Variants in PADI4 observed in about 807,000 individuals in gnomAD.
PADI4 encodes the protein peptidyl arginine deiminase 4, also known as protein-arginine deiminase type-4.
A neutral mutation model predicts 75.0 loss-of-function variants in PADI4; 62 were observed. That is an observed-to-expected ratio of 0.83 (90% confidence interval 0.67 to 1.02). The LOEUF is 1.02. Ranked by LOEUF, PADI4 falls within the 50% of genes least tolerant of loss-of-function variation. The probability of loss-of-function intolerance (pLI) is 0.00; values close to 1 mark genes in which losing one functional copy is unlikely to be tolerated. For missense variants in PADI4, 845 were observed against 850.5 expected, an observed-to-expected ratio of 0.99 and a Z score of 0.08; for synonymous variants, 361 against 348.1, an observed-to-expected ratio of 1.04 and a Z score of -0.41.
intron 15 of PADI4, among the ~76,000 whole-genome samples, chr1:17,360,884 T>G (rs527472182): frequency 6.7e-6 from 1 of 149,068 alleles, no homozygotes; most frequent in South Asian, 2.1e-4. Context: ...GCTGCACTTG[T>G]GGGTGGTCCC....
At chr1:17,324,843 A>G (rs959801301) in intron 1 of PADI4, among the ~76,000 whole-genome samples, 5 of 152,170 alleles carry the variant, frequency 3.3e-5, no homozygotes, top group African/African-American at 9.7e-5. Context: ...CCAATTTAGT[A>G]TTTTCTATAT....
intron 1 of PADI4, among the ~76,000 whole-genome samples, chr1:17,308,923 T>C (rs1320776616): frequency 6.6e-6 from 1 of 152,134 alleles, no homozygotes; most frequent in South Asian, 2.1e-4. Context: ...TGTGAAAAAA[T>C]GTGCAGATGT....
intron 1 of PADI4, among the ~76,000 whole-genome samples, chr1:17,318,884 T>G (rs909739041): frequency 1.4e-4 from 22 of 152,174 alleles, no homozygotes; most frequent in African/African-American, 5.1e-4. Context: ...GAGATGGGGT[T>G]TCACCATGTT....
intron 10 of PADI4, among the ~76,000 whole-genome samples, chr1:17,351,782 C>G (rs1025350767): frequency 3.9e-5 from 6 of 151,992 alleles, no homozygotes; most frequent in African/African-American, 1.5e-4. Context: ...TGCAAAGGCC[C>G]TGGGGCAGGA....
chr1:17,321,491 C>T (rs115457674), intron 1 of PADI4, among the ~76,000 whole-genome samples: 4,798 of 152,262 alleles, frequency 0.032, 97 homozygotes, highest in African/African-American at 0.052. Context: ...TGGTGAGAAC[C>T]GAATTAATTA....
intron 13 of PADI4, 76 bp from the exon 14 acceptor site, chr1:17,358,762 C>A (rs989158377): frequency 4.4e-6 from 4 of 903,554 alleles, no homozygotes; most frequent in Non-Finnish European, 7.2e-6. Context: ...CACTGAGTCC[C>A]CCCCCGGCAC....
chr1:17,345,977 C>A (rs2074507993), intron 8 of PADI4, 51 bp from the exon 9 acceptor site: 2 of 1,237,144 alleles, frequency 1.6e-6, no homozygotes, highest in East Asian at 4.6e-5. Flanking sequence ...TCCTTCCAGG[C>A]TGAGCTTCAA....
intron 1 of PADI4, among the ~76,000 whole-genome samples, chr1:17,326,965 C>T (rs1389947804): frequency 1.4e-5 from 2 of 145,096 alleles, no homozygotes; most frequent in Non-Finnish European, 3.0e-5. Context: ...GGCTGGGGTA[C>T]AGTGGTGCAA....
chr1:17,355,379 C>T (rs1288234500), intron 11 of PADI4, among the ~76,000 whole-genome samples: 1 of 152,108 alleles, frequency 6.6e-6, no homozygotes, highest in Non-Finnish European at 1.5e-5. Context: ...TGGCGAAACC[C>T]CGTCTCTACT....
rs540871435 is a variant in PADI4 at position 17,360,653 on chromosome 1, G to A, written c.1758+1245G>A. Reference sequence around the variant, plus strand: ...TCAAACCCCATGCCGTAACTACCATGCTGCCTTCCCACGTAGCACCTTCCC... The same window carrying A: ...TCAAACCCCATGCCGTAACTACCATACTGCCTTCCCACGTAGCACCTTCCC... On this transcript the variant is annotated intron_variant, in intron 15 of 15. Coordinates refer to ENST00000375448, the MANE Select transcript of PADI4 (RefSeq NM_012387.3). 2.0e-5 allele frequency among the ~76,000 whole-genome samples: 3 copies of A among 152,296 alleles called. No individual in the cohort carries two copies. The East Asian group carries it at 5.8e-4, about 29-fold the overall frequency.
At chr1:17,339,440 T>C (rs2074374915) in intron 5 of PADI4, among the ~76,000 whole-genome samples, 1 of 152,238 alleles carries the variant, frequency 6.6e-6, no homozygotes, top group Non-Finnish European at 1.5e-5. Flanking sequence ...GTCCCCGCTT[T>C]GCTGAGGTTA....
chr1:17,352,209 TAAG>T (rs2074672422), intron 10 of PADI4, among the ~76,000 whole-genome samples: 1 of 103,914 alleles, frequency 9.6e-6, no homozygotes, highest in African/African-American at 3.6e-5. Flanking sequence ...TGGGAGGTGG[TAAG>T]AGGGGTGGTC....
At chr1:17,317,742 C>T (rs751046982) in intron 1 of PADI4, among the ~76,000 whole-genome samples, 6 of 151,724 alleles carry the variant, frequency 4.0e-5, no homozygotes, top group Non-Finnish European at 7.4e-5. Flanking sequence ...AGATTGCTGC[C>T]GGGCACTGTG....
intron 10 of PADI4, among the ~76,000 whole-genome samples, chr1:17,354,048 T>A (rs2074715844): frequency 6.6e-6 from 1 of 150,564 alleles, no homozygotes; most frequent in Admixed American, 6.6e-5. Flanking sequence ...GAGACTAGAC[T>A]GGCCAACATG....
In PADI4 at chr1:17,355,056, G is replaced by T. The variant is rs138314386; in HGVS notation, c.1310+369G>T. Among the ~76,000 whole-genome samples, 61 of 152,286 alleles carry T rather than the reference G, an allele frequency of 4.0e-4. 1 individual carries two copies. The highest frequency in any genetic ancestry group is 1.4e-3 in the African/African-American group (57 of 41,560). On this transcript the variant is annotated intron_variant, in intron 11 of 15. Transcript: ENST00000375448. ...CAAATGACAAAAACAAAAGAGAGGG[G>T]CACGGGAGGAATAGGAACTGTTAGG...
chr1:17,335,461 C>A (rs1270648309), intron 3 of PADI4, among the ~76,000 whole-genome samples: 1 of 152,184 alleles, frequency 6.6e-6, no homozygotes, highest in South Asian at 2.1e-4. Flanking sequence ...GCTTCCCCGG[C>A]CCTAACTAAG....
At position 17,346,051 on chromosome 1, in the gene PADI4, T is replaced by A; in HGVS notation, c.959T>A (p.Leu320Gln). The A allele has an allele frequency of 6.2e-7, 1 of 1,612,542 alleles. No homozygotes were observed. Among genetic ancestry groups the A allele is most frequent in the Non-Finnish European group, 8.5e-7 (1 of 1,178,490 alleles). The change falls in exon 9 of 16, where the codon CTG becomes CAG. Residue 320 changes from leucine to glutamine, a missense_variant. Physicochemically the swap from Leu to Gln is moderately radical, Grantham distance 113 (BLOSUM62 -2). Transcript: ENST00000375448. This position sits in a 1 kb window ranked among gnomAD's most constrained non-coding sequence, Gnocchi z 4.3. ...ACSIFENEDFLKSVTTLAMKA... is the reference protein window; with the variant it reads ...ACSIFENEDFQKSVTTLAMKA... The stretch of plus-strand genomic sequence containing the variant: ...AGTATTTTTGAAAATGAGGACTTCC[T>A]GAAGTCAGTGACTACTCTGGCCATG...
intron 8 of PADI4, among the ~76,000 whole-genome samples, chr1:17,344,906 C>A (rs1352353366): frequency 6.6e-6 from 1 of 152,214 alleles, no homozygotes; most frequent in African/African-American, 2.4e-5. Context: ...TACTGGGACA[C>A]CACGTAGTGG....
At chr1:17,337,641 GGCGTGGTGGCTCAT>G (rs1456535299) in intron 4 of PADI4, among the ~76,000 whole-genome samples, 1 of 152,110 alleles carries the variant, frequency 6.6e-6, no homozygotes, top group Non-Finnish European at 1.5e-5. Context: ...ATGGGGGCCG[GGCGTGGTGGCTCAT>G]GCCTGTAATC....
Sources: gnomAD v4.1 joint callset for allele counts (sites outside exome capture counted in the v4.1 genomes callset) on GRCh38, gnomAD v4.1.1 for gene constraint, Gnocchi (gnomAD v3.1) non-coding constraint, MANE v1.5 for transcripts, NCBI Gene and HGNC (gene_info 2026-07-23, HGNC 2026-07-21) for gene names.